Variants in GBP3 observed in about 807,000 individuals in gnomAD.
The protein encoded by GBP3 is guanylate binding protein 3.
Under a neutral mutation model 62.4 loss-of-function variants are expected in GBP3, and 55 were observed. The ratio of observed to expected loss-of-function variants is 0.88; its 90% confidence interval spans 0.71 to 1.10. GBP3 has a LOEUF of 1.10. Among genes scored for constraint, GBP3 ranks in the 50% least tolerant of loss-of-function variants. The probability of loss-of-function intolerance (pLI) is 0.00; values close to 1 mark genes in which losing one functional copy is unlikely to be tolerated. For missense variants in GBP3, 605 were observed against 690.6 expected, an observed-to-expected ratio of 0.88 and a Z score of 1.39; for synonymous variants, 208 against 259.2, an observed-to-expected ratio of 0.80 and a Z score of 1.90.
Position 89,020,507 on chromosome 1 carries a change from GCAGAGCTTTGCT to G in GBP3, c.190+13_190+24del. The G allele has an allele frequency of 3.7e-6, 6 of 1,613,512 alleles. No homozygotes were observed. Among genetic ancestry groups the G allele is most frequent in the Non-Finnish European group, 5.1e-6 (6 of 1,179,450 alleles). ...TGTGTTGGGGGACAGAAGGGACTTG[GCAGAGCTTTGCT>G]CATGCCACTCACCCTTATTCTTCCC... On this transcript the variant is annotated intron_variant, in intron 2 of 10. Coordinates refer to ENST00000370481, the MANE Select transcript of GBP3 (RefSeq NM_018284.3).
chr1:89,008,988 A>C lies in GBP3; in HGVS notation c.1618T>G (p.Leu540Val). Reference sequence around the variant, plus strand: ...AGGGTCTTCTCTTGCTCTTCCAGCAACTGGGCCCTCTCCCTCTCCATCTTC... The same window carrying C: ...AGGGTCTTCTCTTGCTCTTCCAGCACCTGGGCCCTCTCCCTCTCCATCTTC... ...TEKMERERAQ[L>V]LEEQEKTLTS... Residue 540 changes from leucine to valine, a missense_variant, in exon 10 of 11, where the codon TTG becomes GTG. By Grantham distance (32) the Leu-to-Val change is conservative. Around this residue, in one of 3 missense-constraint regions of GBP3, gnomAD observed 160 missense variants for 147.8 expected, o/e 1.08. Transcript: ENST00000370481. 1 of 1,614,108 alleles carries C rather than the reference A, an allele frequency of 6.2e-7. No individual in the cohort carries two copies. The highest frequency in any genetic ancestry group is 8.5e-7 in the Non-Finnish European group (1 of 1,179,964).
chr1:89,015,070 G>C (rs767308632), intron 3 of GBP3, among the ~76,000 whole-genome samples: 2 of 152,218 alleles, frequency 1.3e-5, no homozygotes, highest in Non-Finnish European at 2.9e-5. Flanking sequence ...CCTATGGTTA[G>C]TAGAATACTG....
In GBP3 at chr1:89,015,366, A is replaced by T. The variant is rs963684523; in HGVS notation, c.239T>A (p.Met80Lys). Residue 80 changes from methionine (M) to lysine (K), a missense_variant, in exon 3 of 11, where the codon ATG (methionine) becomes AAG (lysine). Physicochemically the swap from Met to Lys is moderately conservative, Grantham distance 95. Coordinates refer to ENST00000370481, the MANE Select transcript of GBP3 (RefSeq NM_018284.3). ...TVKSHTKGIW[M>K]WCVPHPKKPE... is the part of the protein sequence containing the mutation. ...CTTTTTGGGGTGAGGCACACACCACATCCAGATTCCTTTGGTGTGAGATTT... is the reference window on the plus strand; with the variant it reads ...CTTTTTGGGGTGAGGCACACACCACTTCCAGATTCCTTTGGTGTGAGATTT... 6.2e-7 allele frequency: 1 copy of T among 1,613,624 alleles called. No individual in the cohort carries two copies. Among genetic ancestry groups the T allele is most frequent in the African/African-American group, 1.3e-5 (1 of 74,890 alleles).
chr1:89,013,923 A>G (rs1288355087), intron 5 of GBP3, 160 bp downstream of exon 5: 2 of 736,994 alleles, frequency 2.7e-6, no homozygotes, highest in Non-Finnish European at 4.3e-6. Flanking sequence ...CCTTTTTTCA[A>G]AAAACCTTTT....
chr1:89,014,700 C>A, intron 3 of GBP3, 44 bp from the exon 4 acceptor site: 1 of 1,612,010 alleles, frequency 6.2e-7, no homozygotes, highest in South Asian at 1.1e-5. Flanking sequence ...GTTTCATCAT[C>A]ACAGCACTTT....
intron 2 of GBP3, among the ~76,000 whole-genome samples, chr1:89,018,685 T>C (rs920113174): frequency 6.6e-6 from 1 of 152,232 alleles, no homozygotes; most frequent in African/African-American, 2.4e-5. Flanking sequence ...ACAGATGTTA[T>C]GTTAAAGAAT....
rs1678253816 is a variant in GBP3 at position 89,007,059 on chromosome 1, G to A, written c.*665C>T. 1 of 152,042 alleles carries A rather than the reference G, an allele frequency of 6.6e-6. No homozygotes were observed. 9.4% of individuals were successfully genotyped at this position (152,042 alleles called of 1,614,324 possible). A position where few individuals can be genotyped will look rare whatever the true frequency, so the allele number is the denominator to read the frequency against. On this transcript the variant is annotated 3_prime_UTR_variant, in exon 11 of 11. Coordinates refer to ENST00000370481, the MANE Select transcript of GBP3 (RefSeq NM_018284.3). ...GTTACCATGTGACTATTTAATTCAGGGTCAACTGTCTAAAGGTCTCAGGTG... is the reference window on the plus strand; with the variant it reads ...GTTACCATGTGACTATTTAATTCAGAGTCAACTGTCTAAAGGTCTCAGGTG...
chr1:89,020,674 G>A lies in GBP3; in HGVS notation c.48C>T (p.Asn16=), dbSNP rs1334925855. 1 of 1,614,028 alleles carries A rather than the reference G, an allele frequency of 6.2e-7. No homozygotes were observed. The highest frequency in any genetic ancestry group is 8.5e-7 in the Non-Finnish European group (1 of 1,180,012). ...HMTGPMCLIE[N]TNGELVANPE... is the part of the protein sequence containing the mutation. ...GATTCGCCACCAGTTCCCCATTAGT[G>A]TTCTCAATGAGGCACATTGGGCCTG... Residue 16 remains asparagine (N), a synonymous_variant, in exon 2 of 11, where the codon AAC becomes AAT. Transcript: ENST00000370481.
intron 2 of GBP3, among the ~76,000 whole-genome samples, chr1:89,019,644 A>G (rs911110934): frequency 6.6e-6 from 1 of 152,232 alleles, no homozygotes; most frequent in Non-Finnish European, 1.5e-5. Context: ...GTGAATTAGA[A>G]TAAGCCAGTC....
At chr1:89,016,774 C>T (rs907768494) in intron 2 of GBP3, among the ~76,000 whole-genome samples, 2 of 152,138 alleles carry the variant, frequency 1.3e-5, no homozygotes, top group Non-Finnish European at 2.9e-5. Flanking sequence ...GGGGTTTCCC[C>T]GTGTTGTCCA....
At chr1:89,011,693 G>C in intron 7 of GBP3, 54 bp downstream of exon 7, 1 of 1,441,632 alleles carries the variant, frequency 6.9e-7, no homozygotes. Context: ...TCATTTCTTA[G>C]TAGTACTTTG....
In GBP3 at chr1:89,006,698, T is replaced by G. The variant is rs1055367263; in HGVS notation, c.*1026A>C. On this transcript the variant is annotated 3_prime_UTR_variant, in exon 11 of 11. Transcript: ENST00000370481. ...AAACTTATTTTATTTCTAGTTTAGTTTATTTCTAGTTCAAAAATAATCTGT... is the reference window on the plus strand; with the variant it reads ...AAACTTATTTTATTTCTAGTTTAGTGTATTTCTAGTTCAAAAATAATCTGT... 1 of 152,234 alleles carries G rather than the reference T, an allele frequency of 6.6e-6. No individual in the cohort carries two copies. The highest frequency in any genetic ancestry group is 1.5e-5 in the Non-Finnish European group (1 of 68,044). The allele number at this position is 152,234 out of a possible 1,614,324, so 9.4% of individuals were successfully genotyped here.
Position 89,011,019 on chromosome 1 carries a change from A to G in GBP3, c.1247T>C (p.Leu416Pro). ...AATTCCCGCCTTCACTTCTTCTTCT[A>G]GAGGACTGAAAATGACCTGAAGTAA... is the stretch of plus-strand genomic sequence containing the variant. ...SALLQVIFSP[L>P]EEEVKAGIYS... Residue 416 changes from leucine to proline, a missense_variant, in exon 8 of 11, where the codon CTA (leucine) becomes CCA (proline). By Grantham distance (98) the Leu-to-Pro change is moderately conservative. Coordinates refer to ENST00000370481, the MANE Select transcript of GBP3 (RefSeq NM_018284.3). The G allele has an allele frequency of 1.4e-6, 2 of 1,461,960 alleles. No individual in the cohort carries two copies. Among genetic ancestry groups the G allele is most frequent in the Non-Finnish European group, 1.9e-6 (2 of 1,055,108 alleles). The allele number at this position is 1,461,960 out of a possible 1,614,324, so 90.6% of individuals were successfully genotyped here. A position where few individuals can be genotyped will look rare whatever the true frequency, so the allele number is the denominator to read the frequency against.
chr1:89,009,166 G>A (rs771914848), intron 9 of GBP3, 26 bp from the exon 10 acceptor site: 11 of 1,608,684 alleles, frequency 6.8e-6, no homozygotes, highest in East Asian at 6.7e-5. Flanking sequence ...AAACATTTGT[G>A]TGGAGTTATC....
chr1:89,021,081 G>T (rs1206420269), intron 1 of GBP3, among the ~76,000 whole-genome samples: 1 of 152,110 alleles, frequency 6.6e-6, no homozygotes, highest in Non-Finnish European at 1.5e-5. Context: ...CTGGCTATAT[G>T]TAAGAAATTA....
At chr1:89,007,973 C>G in intron 10 of GBP3, 121 bp from the exon 11 acceptor site, 1 of 869,852 alleles carries the variant, frequency 1.1e-6, no homozygotes, top group Non-Finnish European at 1.7e-6. Flanking sequence ...TTTTCTCTAC[C>G]CTTGATTTTA....
chr1:89,017,799 C>A (rs1678967661), intron 2 of GBP3, among the ~76,000 whole-genome samples: 1 of 152,122 alleles, frequency 6.6e-6, no homozygotes, highest in East Asian at 1.9e-4. Context: ...TTGAAAAGGG[C>A]TGGGTGCAGT....
intron 10 of GBP3, among the ~76,000 whole-genome samples, 197 bp from the exon 11 acceptor site, chr1:89,008,049 G>C (rs990454737): frequency 6.6e-6 from 1 of 151,954 alleles, no homozygotes; most frequent in African/African-American, 2.4e-5. Flanking sequence ...AGCCAAAAGA[G>C]TTTCAGCGTA....
rs778840755 is a variant in GBP3, at chr1:89,011,094, T to C, written c.1172A>G (p.Asp391Gly). The change falls in exon 8 of 11, where the codon GAT becomes GGT. Residue 391 changes from aspartate (D) to glycine (G), a missense_variant. Coordinates refer to ENST00000370481, the MANE Select transcript of GBP3 (RefSeq NM_018284.3). ...TTCTTGATTCTGTTTACAAAAGTCA[T>C]CCCGCTTTTTGTCTAGCTGGGCCTT... ...KLAAQLDKKR[D>G]DFCKQNQEAS... is the part of the protein sequence containing the mutation. The C allele has an allele frequency of 3.9e-5, 57 of 1,461,878 alleles. 14 individuals carry two copies. Among genetic ancestry groups the C allele is most frequent in the Non-Finnish European group, 5.3e-5 (56 of 1,055,048 alleles). The allele number at this position is 1,461,878 out of a possible 1,614,324, so 90.6% of individuals were successfully genotyped here.
Sources: allele counts gnomAD v4.1 joint callset (sites outside exome capture counted in the v4.1 genomes callset), GRCh38; gene constraint gnomAD v4.1.1; regional missense constraint gnomAD v4.1.1; transcripts MANE v1.5; gene names NCBI Gene and HGNC (gene_info 2026-07-23, HGNC 2026-07-21).